The following ANKRD31 variants were observed in gnomAD, a reference collection of about 807,000 sequenced individuals.
ANKRD31 encodes ankyrin repeat domain 31.
A neutral mutation model predicts 186.0 loss-of-function variants in ANKRD31; 147 were observed. The observed-to-expected ratio is 0.79, with a 90% CI of 0.69 to 0.91. The LOEUF is 0.91. Among genes scored for constraint, ANKRD31 ranks in the 40% least tolerant of loss-of-function variants. The pLI is 0.00. For missense variants in ANKRD31, 1,986 were observed against 2,148.8 expected (o/e 0.92, Z 1.50); for synonymous variants, 673 against 736.4 (o/e 0.91, Z 1.39).
At chr5:75,154,419 T>A in intron 11 of ANKRD31, 74 bp from the exon 12 acceptor site, 1 of 1,200,490 alleles carries the variant, frequency 8.3e-7, no homozygotes, top group Non-Finnish European at 1.1e-6. Flanking sequence ...AGCAGACTAC[T>A]CTAAGTAACA....
Position 75,192,661 on chromosome 5 carries a change from C to T in ANKRD31, c.1408+6G>A, listed in dbSNP as rs144912981. ...GAAATAGAAAAATACTCAAAATATGCATCACCTTTTTTTCCTGAAAATTGT... is the reference window on the plus strand; with the variant it reads ...GAAATAGAAAAATACTCAAAATATGTATCACCTTTTTTTCCTGAAAATTGT... On this transcript the variant is annotated splice_donor_region_variant and intron_variant, in intron 9 of 25. Coordinates refer to ENST00000506364, the MANE Select transcript of ANKRD31 (RefSeq NM_001372053.1). 378 of 1,496,264 alleles carry T rather than the reference C, an allele frequency of 2.5e-4. 3 individuals are homozygous for T. In the East Asian group the frequency reaches 8.2e-3, roughly 33 times the overall value. 92.7% of individuals were successfully genotyped at this position (1,496,264 alleles called of 1,614,324 possible). A position where few individuals can be genotyped will look rare whatever the true frequency, so the allele number is the denominator to read the frequency against.
intron 20 of ANKRD31, among the ~76,000 whole-genome samples, chr5:75,109,806 A>C (rs1747622580): frequency 6.6e-6 from 1 of 151,800 alleles, no homozygotes; most frequent in African/African-American, 2.4e-5. Context: ...TGAGAGTGAG[A>C]GTCTGTGTAG....
chr5:75,144,678 G>A (rs1006999553), intron 14 of ANKRD31, among the ~76,000 whole-genome samples: 1 of 152,062 alleles, frequency 6.6e-6, no homozygotes, highest in African/African-American at 2.4e-5. Flanking sequence ...TCAGGACATA[G>A]GCATGGGCAA....
At chr5:75,213,830 A>T (rs1432509739) in intron 3 of ANKRD31, among the ~76,000 whole-genome samples, 1 of 152,178 alleles carries the variant, frequency 6.6e-6, no homozygotes, top group African/African-American at 2.4e-5. Flanking sequence ...GCTATCTGAG[A>T]ACATTCTCTT....
rs948863043 is a variant in ANKRD31 at position 75,226,471 on chromosome 5, A to G, written c.178+4091T>C. Among the ~76,000 whole-genome samples the G allele has an allele frequency of 2.0e-5, 3 of 152,256 alleles. No homozygotes were observed. The South Asian group carries it at 6.2e-4, about 32-fold the overall frequency. ...GTCTGTCCCAGTGGTGGACAGTATT[A>G]CCCTGATACCACAGAATGGTAGAAA... On this transcript the variant is annotated intron_variant, in intron 2 of 25. Coordinates refer to ENST00000506364, the MANE Select transcript of ANKRD31 (RefSeq NM_001372053.1).
rs1018478149 is a variant in ANKRD31, at chr5:75,208,871, T to A, written c.326+1957A>T. ...CCCTATGAAGAATGGTATATAAACA[T>A]CTGGACCTCACTGGGTTATTGGGTA... On this transcript the variant is annotated intron_variant, in intron 4 of 25. Coordinates refer to ENST00000506364, the MANE Select transcript of ANKRD31 (RefSeq NM_001372053.1). 5.9e-5 allele frequency among the ~76,000 whole-genome samples: 9 copies of A among 152,334 alleles called. No individual in the cohort carries two copies. In the South Asian group the frequency reaches 1.9e-3, roughly 32 times the overall value.
At chr5:75,189,110 A>G (rs985449644) in intron 9 of ANKRD31, among the ~76,000 whole-genome samples, 1 of 152,222 alleles carries the variant, frequency 6.6e-6, no homozygotes, top group African/African-American at 2.4e-5. Flanking sequence ...AACTAATCCC[A>G]GTGAGACTGG....
At position 75,107,531 on chromosome 5, in the gene ANKRD31, T is replaced by A. The variant is rs900599342; in HGVS notation, c.4330A>T (p.Lys1444Ter). The A allele has an allele frequency of 6.6e-6, 10 of 1,525,168 alleles. No individual in the cohort carries two copies. Among genetic ancestry groups the A allele is most frequent in the Non-Finnish European group, 7.9e-6 (9 of 1,140,636 alleles). 94.5% of individuals were successfully genotyped at this position (1,525,168 alleles called of 1,614,324 possible). A position where few individuals can be genotyped will look rare whatever the true frequency, so the allele number is the denominator to read the frequency against. ...TCTTTTTCTACTCACCTGTATTTTTTAGCCAGATCATCCCTTTCTGCTTTC... is the reference window on the plus strand; with the variant it reads ...TCTTTTTCTACTCACCTGTATTTTTAAGCCAGATCATCCCTTTCTGCTTTC... ...KQKAERDDLAKKYRVSIESFK... is the reference protein window; with the variant it reads ...KQKAERDDLA The change falls in exon 21 of 26, where the codon AAA becomes TAA. Residue 1444 changes from lysine to a stop codon, truncating the protein, a stop_gained. Transcript: ENST00000506364. LOFTEE classifies it high-confidence loss of function.
chr5:75,124,474 T>C lies in ANKRD31; in HGVS notation c.3877-6177A>G, dbSNP rs111390769. Among the ~76,000 whole-genome samples the C allele has an allele frequency of 2.3e-3, 347 of 152,268 alleles. 1 individual carries two copies. Among genetic ancestry groups the C allele is most frequent in the African/African-American group, 7.3e-3 (302 of 41,552 alleles). ...AGAAATCATCATATTAAAAAGATACTTGTACTCAAATGTTCACTGTAACAC... is the reference window on the plus strand; with the variant it reads ...AGAAATCATCATATTAAAAAGATACCTGTACTCAAATGTTCACTGTAACAC... On this transcript the variant is annotated intron_variant, in intron 17 of 25. Transcript: ENST00000506364.
chr5:75,194,162 C>T (rs1271203535), intron 7 of ANKRD31, among the ~76,000 whole-genome samples: 1 of 152,140 alleles, frequency 6.6e-6, no homozygotes, highest in Non-Finnish European at 1.5e-5. Context: ...CTTCAGCTTA[C>T]TTACATATCC....
At chr5:75,165,848 A>G (rs1752883779) in intron 11 of ANKRD31, among the ~76,000 whole-genome samples, 1 of 152,222 alleles carries the variant, frequency 6.6e-6, no homozygotes, top group South Asian at 2.1e-4. Context: ...ATACATAACA[A>G]ACACATATGA....
At chr5:75,099,363 G>A (rs1422912739) in intron 22 of ANKRD31, among the ~76,000 whole-genome samples, 2 of 152,162 alleles carry the variant, frequency 1.3e-5, no homozygotes, top group African/African-American at 4.8e-5. Flanking sequence ...TTGCATCGAT[G>A]TTCATCAGGG....
At chr5:75,217,550 C>G (rs1389331111) in intron 3 of ANKRD31, among the ~76,000 whole-genome samples, 1 of 152,042 alleles carries the variant, frequency 6.6e-6, no homozygotes, top group Non-Finnish European at 1.5e-5. Flanking sequence ...TGCTTAAAGG[C>G]TGTTTTGTCT....
chr5:75,188,466 T>C, intron 10 of ANKRD31, 27 bp downstream of exon 10: 1 of 1,524,352 alleles, frequency 6.6e-7, no homozygotes. Flanking sequence ...ACTCTTAAGG[T>C]AACTGTGGGT....
At chr5:75,208,845 C>A (rs1014077509) in intron 4 of ANKRD31, among the ~76,000 whole-genome samples, 1 of 152,182 alleles carries the variant, frequency 6.6e-6, no homozygotes, top group Non-Finnish European at 1.5e-5. Context: ...ATCTCCTCTT[C>A]CCCTATGAAG....
intron 17 of ANKRD31, among the ~76,000 whole-genome samples, chr5:75,121,964 T>G (rs1177378804): frequency 6.9e-6 from 1 of 145,284 alleles, no homozygotes; most frequent in Admixed American, 6.8e-5. Context: ...AAGATCAGAG[T>G]AGAACTAAAT....
intron 1 of ANKRD31, among the ~76,000 whole-genome samples, chr5:75,231,909 ACACAC>A (rs2150323386): frequency 2.8e-5 from 1 of 35,776 alleles, no homozygotes; most frequent in African/African-American, 6.7e-4. Flanking sequence ...GTCTCAAAAC[ACACAC>A]ACACACACAC....
chr5:75,085,200 T>C (rs866539409), intron 23 of ANKRD31, among the ~76,000 whole-genome samples: 1 of 152,212 alleles, frequency 6.6e-6, no homozygotes, highest in Non-Finnish European at 1.5e-5. Flanking sequence ...ATTTCTGTCA[T>C]GGTACTTACC....
intron 25 of ANKRD31, among the ~76,000 whole-genome samples, chr5:75,070,395 A>G (rs1223928297): frequency 6.6e-6 from 1 of 152,218 alleles, no homozygotes; most frequent in Non-Finnish European, 1.5e-5. Context: ...AACTTAATGC[A>G]TCTACCATAA....
Sources: gnomAD v4.1 joint callset for allele counts (sites outside exome capture counted in the v4.1 genomes callset) on GRCh38, gnomAD v4.1.1 for gene constraint, MANE v1.5 for transcripts, NCBI Gene and HGNC (gene_info 2026-07-23, HGNC 2026-07-21) for gene names.